Variants in TRPC5 observed in about 807,000 individuals in gnomAD.
TRPC5 encodes transient receptor potential cation channel subfamily C member 5, also known as short transient receptor potential channel 5.
TRPC5 carries 9 observed loss-of-function variants against 56.5 expected under a neutral mutation model. The ratio of observed to expected loss-of-function variants is 0.16; its 90% CI spans 0.10 to 0.28. The LOEUF is 0.28. Ranked by LOEUF, TRPC5 falls within the 10% of genes least tolerant of loss-of-function variation. The probability of loss-of-function intolerance (pLI) is 1.00; values close to 1 mark genes in which losing one functional copy is unlikely to be tolerated. For synonymous variants in TRPC5, 282 were observed against 278.5 expected, an observed-to-expected ratio of 1.01 and a Z score of -0.13; for missense variants, 469 against 748.9, an observed-to-expected ratio of 0.63 and a Z score of 4.36.
At position 111,853,477 on chromosome X, in the gene TRPC5, G is replaced by A. The variant is rs925850641; in HGVS notation, c.1237+293C>T. ...GCTCTGCTTACCTTACTTGAGGCCTGTCCTGACTGATACTTGGCTTTGTCT... is the reference window on the plus strand; with the variant it reads ...GCTCTGCTTACCTTACTTGAGGCCTATCCTGACTGATACTTGGCTTTGTCT... On this transcript the variant is annotated intron_variant, in intron 4 of 10. Coordinates refer to ENST00000262839, the MANE Select transcript of TRPC5 (RefSeq NM_012471.3). Among the ~76,000 whole-genome samples, 3 of 112,023 alleles carry A rather than the reference G, an allele frequency of 2.7e-5. No homozygotes were observed. The East Asian group carries it at 8.4e-4, about 32-fold the overall frequency.
chrX:112,026,925 A>G (rs1300572151), intron 1 of TRPC5, among the ~76,000 whole-genome samples: 1 of 106,945 alleles, frequency 9.4e-6, no homozygotes, highest in Admixed American at 9.9e-5. Context: ...AAAAAGAAGA[A>G]GAAAAAGAAA....
Position 111,952,245 on chromosome X carries a change from T to C in TRPC5, c.176A>G (p.Tyr59Cys). ...GTCCATGCAGTTGATGTTAACATTA[T>C]AGTAGATCTCAGCCTCCTGAAGGGC... ...KQALQEAEIY[Y>C]NVNINCMDPL... Residue 59 changes from tyrosine (Y) to cysteine (C), a missense_variant, in exon 2 of 11, where the codon TAT becomes TGT. Tyr to Cys is a radical substitution (Grantham distance 194). This residue lies in a region of TRPC5 where 118 missense variants were observed against 167.1 expected (regional missense o/e 0.71). Transcript: ENST00000262839. The C allele has an allele frequency of 1.7e-6, 2 of 1,211,926 alleles. No homozygotes were observed. The highest frequency in any genetic ancestry group is 2.2e-6 in the Non-Finnish European group (2 of 895,552).
chrX:111,825,991 C>T (rs1188826418), intron 7 of TRPC5, among the ~76,000 whole-genome samples: 1 of 112,225 alleles, frequency 8.9e-6, no homozygotes, highest in East Asian at 2.8e-4. Flanking sequence ...TTTCTTGATA[C>T]AAGAAACAGG....
intron 3 of TRPC5, among the ~76,000 whole-genome samples, chrX:111,878,175 C>T (rs1299278187): frequency 9.0e-6 from 1 of 110,638 alleles, no homozygotes; most frequent in Non-Finnish European, 1.9e-5. Context: ...TGTTCTCCCC[C>T]TTCTATAATG....
intron 1 of TRPC5, among the ~76,000 whole-genome samples, chrX:111,956,799 C>G (rs1927247799): frequency 8.9e-6 from 1 of 111,870 alleles, no homozygotes; most frequent in South Asian, 3.8e-4. Context: ...GTCCCCTTGA[C>G]AGTATCCTTG....
chrX:112,026,851 A>G (rs2147715402), intron 1 of TRPC5, among the ~76,000 whole-genome samples: 1 of 108,868 alleles, frequency 9.2e-6, no homozygotes, highest in Admixed American at 9.9e-5. Context: ...GTGGAGAGAA[A>G]TTGCTACATT....
chrX:111,770,760 G>A lies in TRPC5; in HGVS notation c.*5553C>T, dbSNP rs1160408530. 8.9e-6 allele frequency among the ~76,000 whole-genome samples: 1 copy of A among 111,732 alleles called. No individual in the cohort carries two copies. The highest frequency in any genetic ancestry group is 2.8e-4 in the East Asian group (1 of 3,552). On this transcript the variant is annotated 3_prime_UTR_variant, in exon 11 of 11. Transcript: ENST00000262839. Reference sequence around the variant, plus strand: ...CGGAGAACTGTCAAGAGGGTTCCTAGGTTGGAAGGCAATTGGTGGCAATGA... The same window carrying A: ...CGGAGAACTGTCAAGAGGGTTCCTAAGTTGGAAGGCAATTGGTGGCAATGA...
chrX:112,007,704 G>A (rs1435977903), intron 1 of TRPC5, among the ~76,000 whole-genome samples: 1 of 111,408 alleles, frequency 9.0e-6, no homozygotes, highest in African/African-American at 3.3e-5. Flanking sequence ...CTGCCCCTTA[G>A]GACACAGAGG....
At chrX:111,802,509 CT>C (rs1254769461) in intron 7 of TRPC5, among the ~76,000 whole-genome samples, 2 of 111,563 alleles carry the variant, frequency 1.8e-5, no homozygotes, top group Non-Finnish European at 3.8e-5. Flanking sequence ...AAGATGACAC[CT>C]TCAATTACTG....
chrX:112,024,568 C>T (rs922062406), intron 1 of TRPC5, among the ~76,000 whole-genome samples: 2 of 111,228 alleles, frequency 1.8e-5, no homozygotes, highest in African/African-American at 6.5e-5. Context: ...ATCAGCTTTC[C>T]TAGGTCTCCA....
At chrX:111,980,135 T>C (rs1928039524) in intron 1 of TRPC5, among the ~76,000 whole-genome samples, 1 of 111,951 alleles carries the variant, frequency 8.9e-6, no homozygotes, top group African/African-American at 3.2e-5. Context: ...GGAATACTAT[T>C]CAGCAGTAAA....
In TRPC5 at chrX:111,842,130, A is replaced by G. The variant is rs1298107214; in HGVS notation, c.1700+4984T>C. ...GTATATATATATATTTTATATATAT[A>G]TGTATATATATATATATGTATATTT... On this transcript the variant is annotated intron_variant, in intron 6 of 10. Coordinates refer to ENST00000262839, the MANE Select transcript of TRPC5 (RefSeq NM_012471.3). Among the ~76,000 whole-genome samples, 3 of 83,254 alleles carry G rather than the reference A, an allele frequency of 3.6e-5. No individual in the cohort carries two copies. The Admixed American group carries it at 3.7e-4, about 10-fold the overall frequency. The allele number at this position is 83,254 out of a possible 115,157, so 72.3% of individuals were successfully genotyped here.
chrX:111,980,666 A>T (rs748529843), intron 1 of TRPC5, among the ~76,000 whole-genome samples: 3 of 110,216 alleles, frequency 2.7e-5, no homozygotes, highest in Admixed American at 9.9e-5. Flanking sequence ...TGACTCCTTC[A>T]TCAATTACAA....
intron 1 of TRPC5, among the ~76,000 whole-genome samples, chrX:111,990,531 T>C (rs1235946497): frequency 9.0e-6 from 1 of 111,666 alleles, no homozygotes; most frequent in African/African-American, 3.3e-5. Context: ...TTCTCTGGGA[T>C]AAATAGATCA....
chrX:111,912,938 C>T, intron 2 of TRPC5, 126 bp from the exon 3 acceptor site: 2 of 703,449 alleles, frequency 2.8e-6, no homozygotes, highest in Non-Finnish European at 4.1e-6. Flanking sequence ...CTTTTGACCT[C>T]CTAAACCTCC....
intron 2 of TRPC5, among the ~76,000 whole-genome samples, chrX:111,945,948 CTG>C (rs1219123597): frequency 8.9e-6 from 1 of 112,523 alleles, no homozygotes; most frequent in Non-Finnish European, 1.9e-5. Flanking sequence ...TTCAGAAAGT[CTG>C]TGTTTGCTCA....
At chrX:111,932,594 A>G (rs939474524) in intron 2 of TRPC5, among the ~76,000 whole-genome samples, 5 of 110,620 alleles carry the variant, frequency 4.5e-5, no homozygotes, top group African/African-American at 1.7e-4. Context: ...CTTTCACCAT[A>G]CTCTAGTCCT....
chrX:112,042,578 T>A (rs1929920489), intron 1 of TRPC5, among the ~76,000 whole-genome samples: 1 of 111,388 alleles, frequency 9.0e-6, no homozygotes, highest in Non-Finnish European at 1.9e-5. Flanking sequence ...CTTTGTAGCT[T>A]ACCTCCTCAA....
intron 1 of TRPC5, among the ~76,000 whole-genome samples, chrX:112,043,783 G>T (rs192977143): frequency 9.0e-6 from 1 of 110,694 alleles, no homozygotes; most frequent in East Asian, 2.8e-4. Flanking sequence ...TTCCACTTGA[G>T]TAAAAGATCC....
Sources: allele counts gnomAD v4.1 joint callset (sites outside exome capture counted in the v4.1 genomes callset), GRCh38; gene constraint gnomAD v4.1.1; regional missense constraint gnomAD v4.1.1; transcripts MANE v1.5; gene names NCBI Gene and HGNC (gene_info 2026-07-23, HGNC 2026-07-21).